Variants in SGCD observed in about 807,000 individuals in gnomAD.
The protein encoded by SGCD is delta-sarcoglycan.
SGCD carries 18 observed loss-of-function variants against 36.6 expected under a neutral mutation model. The observed-to-expected ratio is 0.49, with a 90% CI of 0.34 to 0.73. SGCD has a LOEUF of 0.73. SGCD is among the 30% of genes least tolerant of loss of function. The pLI is 0.01. For missense variants in SGCD, 387 were observed against 346.7 expected, an observed-to-expected ratio of 1.12 and a Z score of -0.92; for synonymous variants, 133 against 130.6, an observed-to-expected ratio of 1.02 and a Z score of -0.12.
chr5:156,348,546 G>C (rs1009917539), intron 3 of SGCD, among the ~76,000 whole-genome samples: 1 of 152,060 alleles, frequency 6.6e-6, no homozygotes, highest in Non-Finnish European at 1.5e-5. Flanking sequence ...ACTTAAGCAA[G>C]GAGGTAAAAG....
chr5:155,812,603 A>G, the SGCD span, among the ~76,000 whole-genome samples: 2 of 152,362 alleles, frequency 1.3e-5, no homozygotes, highest in East Asian at 3.9e-4. Flanking sequence ...ATAATTAATC[A>G]GAAGAACAGG....
In SGCD at chr5:156,568,478, C is replaced by G. The variant is rs541301222; in HGVS notation, c.295-20753C>G. On this transcript the variant is annotated intron_variant, in intron 4 of 8. Transcript: ENST00000337851. Reference sequence around the variant, plus strand: ...TGAAAGCACTGGCTGCAGAATGTAACCGACGGCCATAAAGTCTGGAAATGT... The same window carrying G: ...TGAAAGCACTGGCTGCAGAATGTAAGCGACGGCCATAAAGTCTGGAAATGT... Among the ~76,000 whole-genome samples the G allele has an allele frequency of 9.8e-5, 15 of 152,330 alleles. No individual in the cohort carries two copies. The East Asian group carries it at 2.5e-3, about 25-fold the overall frequency.
chr5:155,829,438 A>G, the SGCD span, among the ~76,000 whole-genome samples: 1 of 152,300 alleles, frequency 6.6e-6, no homozygotes, highest in Admixed American at 6.5e-5. Flanking sequence ...TGTAAGATGC[A>G]CTATGCTCTT....
Position 156,516,356 on chromosome 5 carries a change from G to C in SGCD, c.294+7654G>C, listed in dbSNP as rs867755262. 1.4e-4 allele frequency among the ~76,000 whole-genome samples: 22 copies of C among 152,348 alleles called. No homozygotes were observed. In the Middle Eastern group the frequency reaches 0.02, roughly 141 times the overall value. The stretch of plus-strand genomic sequence containing the variant: ...AGACAGCCGTCCTTGCTGTTCTGCA[G>C]ACTCCACTGGTGACACCTCCAGGTG... On this transcript the variant is annotated intron_variant, in intron 4 of 8. Transcript: ENST00000337851.
chr5:156,582,189 T>A (rs1371369188), intron 4 of SGCD, among the ~76,000 whole-genome samples: 1 of 152,220 alleles, frequency 6.6e-6, no homozygotes, highest in Non-Finnish European at 1.5e-5. Flanking sequence ...TGTTGTTTTG[T>A]ATGTTGTGAA....
rs113458585 is a variant in SGCD, at chr5:156,463,055, A to G, written c.193-45546A>G. The stretch of plus-strand genomic sequence containing the variant: ...TTTCAAACTCTTCCCTCAATTTGGA[A>G]AGATTGTAATGACACTTTGAAAGAG... On this transcript the variant is annotated intron_variant, in intron 3 of 8. Transcript: ENST00000337851. 4.0e-3 allele frequency among the ~76,000 whole-genome samples: 604 copies of G among 152,336 alleles called. 2 individuals are homozygous for G. The highest frequency in any genetic ancestry group is 0.014 in the African/African-American group (571 of 41,584).
At position 156,052,096 on chromosome 5, in the gene SGCD, T is replaced by G. The variant is rs572573177; in HGVS notation, c.-281-65782T>G. 3.4e-5 allele frequency among the ~76,000 whole-genome samples: 5 copies of G among 146,130 alleles called. No homozygotes were observed. The East Asian group carries it at 9.7e-4, about 28-fold the overall frequency. On this transcript the variant is annotated intron_variant, in intron 1 of 9. Transcript: ENST00000517913. The stretch of plus-strand genomic sequence containing the variant: ...AGGGGAAACAGGGATCCTCCATAAG[T>G]CCAGAGTTCCTGCTAGAGCACTTCC...
At chr5:156,018,498 C>T (rs904354806) in intron 1 of SGCD, among the ~76,000 whole-genome samples, 4 of 152,254 alleles carry the variant, frequency 2.6e-5, no homozygotes, top group African/African-American at 9.6e-5. Flanking sequence ...ATACATGCCA[C>T]ACTTTTATAT....
chr5:156,101,049 T>C (rs940451212), intron 1 of SGCD, among the ~76,000 whole-genome samples: 33 of 152,290 alleles, frequency 2.2e-4, no homozygotes, highest in African/African-American at 7.9e-4. Context: ...ATGAGAAAGA[T>C]GATCTCTGTC....
chr5:156,372,570 C>T (rs185236333), intron 3 of SGCD, among the ~76,000 whole-genome samples: 1 of 152,272 alleles, frequency 6.6e-6, no homozygotes, highest in African/African-American at 2.4e-5. Context: ...TTAACATTTA[C>T]TTGTAGATAA....
chr5:156,375,621 T>C (rs184214308), intron 3 of SGCD, among the ~76,000 whole-genome samples: 27 of 152,282 alleles, frequency 1.8e-4, no homozygotes, highest in Non-Finnish European at 7.4e-5. Flanking sequence ...AAAATAAAGA[T>C]GTTTTGTTCA....
chr5:155,977,019 G>C (rs1469300650), intron 1 of SGCD, among the ~76,000 whole-genome samples: 1 of 152,154 alleles, frequency 6.6e-6, no homozygotes, highest in Non-Finnish European at 1.5e-5. Flanking sequence ...AGAGCATCTT[G>C]AATGTAGTTA....
At chr5:156,485,402 C>T (rs1290173533) in intron 3 of SGCD, among the ~76,000 whole-genome samples, 1 of 152,154 alleles carries the variant, frequency 6.6e-6, no homozygotes, top group Non-Finnish European at 1.5e-5. Context: ...GTGGCTCACA[C>T]CTGTAATCCT....
intron 6 of SGCD, among the ~76,000 whole-genome samples, chr5:156,637,683 C>A (rs762039707): frequency 5.9e-5 from 9 of 151,996 alleles, no homozygotes; most frequent in Non-Finnish European, 1.2e-4. Context: ...CTAGGATTTT[C>A]TTGGCCAGGG....
chr5:155,908,791 A>T (rs1288573361), intron 1 of SGCD, among the ~76,000 whole-genome samples: 1 of 152,080 alleles, frequency 6.6e-6, no homozygotes, highest in Non-Finnish European at 1.5e-5. Flanking sequence ...GGACTATAAC[A>T]AATTAACTAA....
At chr5:155,797,301 A>T in the SGCD span, among the ~76,000 whole-genome samples, 2 of 152,224 alleles carry the variant, frequency 1.3e-5, no homozygotes, top group Admixed American at 1.3e-4. Context: ...TAATTTTGAT[A>T]AATGGCTAGT....
intron 3 of SGCD, among the ~76,000 whole-genome samples, chr5:156,309,870 CTGT>C (rs965449251): frequency 1.3e-4 from 19 of 151,916 alleles, no homozygotes; most frequent in South Asian, 2.1e-4. Flanking sequence ...GTGATATTTT[CTGT>C]TGTTGTTGTT....
chr5:155,859,558 G>A, the SGCD span, among the ~76,000 whole-genome samples: 1 of 151,910 alleles, frequency 6.6e-6, no homozygotes, highest in African/African-American at 2.4e-5. Context: ...TCTAATCCTT[G>A]GCCCTTGCTA....
At chr5:156,144,183 T>A (rs1314060506) in intron 3 of SGCD, among the ~76,000 whole-genome samples, 3 of 152,128 alleles carry the variant, frequency 2.0e-5, no homozygotes, top group Non-Finnish European at 4.4e-5. Flanking sequence ...TTGTGAATAG[T>A]GCCGCAATAA....
Sources: gnomAD v4.1 joint callset for allele counts (sites outside exome capture counted in the v4.1 genomes callset) on GRCh38, gnomAD v4.1.1 for gene constraint, MANE v1.5 for transcripts, NCBI Gene and HGNC (gene_info 2026-07-23, HGNC 2026-07-21) for gene names.